Variants in CXCL13 observed in about 807,000 individuals in gnomAD.
CXCL13 encodes C-X-C motif chemokine ligand 13, also known as C-X-C motif chemokine 13.
In CXCL13, 7 loss-of-function variants were observed where a neutral mutation model predicts 12.2. The ratio of observed to expected loss-of-function variants is 0.57; its 90% confidence interval spans 0.33 to 1.07. The LOEUF (loss-of-function observed/expected upper bound fraction) is 1.07, where lower values mean the gene tolerates loss of function less well. Among genes scored for constraint, CXCL13 ranks in the 50% least tolerant of loss-of-function variants. CXCL13 has a pLI of 0.04. For synonymous variants in CXCL13, 47 were observed against 42.4 expected (o/e 1.11, Z -0.42); for missense variants, 113 against 127.4 (o/e 0.89, Z 0.55).
intron 1 of CXCL13, among the ~76,000 whole-genome samples, chr4:77,584,356 A>G (rs1244049966): frequency 6.6e-6 from 1 of 152,214 alleles, no homozygotes; most frequent in Non-Finnish European, 1.5e-5. Flanking sequence ...CCTTGTCTTC[A>G]TTAGACAGTT....
At chr4:77,558,389 G>C (rs959134461) in intron 1 of CXCL13, among the ~76,000 whole-genome samples, 3 of 152,032 alleles carry the variant, frequency 2.0e-5, no homozygotes, top group Non-Finnish European at 4.4e-5. Flanking sequence ...GTCTCCCTGT[G>C]TCACCCAGAT....
At chr4:77,549,575 A>C (rs536596046) in intron 1 of CXCL13, among the ~76,000 whole-genome samples, 40 of 152,060 alleles carry the variant, frequency 2.6e-4, no homozygotes, top group African/African-American at 8.7e-4. Context: ...TGTTAGTTTT[A>C]CTTCTAACAG....
At chr4:77,535,951 T>C (rs1180348510) in intron 1 of CXCL13, among the ~76,000 whole-genome samples, 1 of 152,176 alleles carries the variant, frequency 6.6e-6, no homozygotes, top group South Asian at 2.1e-4. Context: ...AATAAAATTA[T>C]TATTTTATAC....
At chr4:77,529,182 C>A (rs989450675) in intron 1 of CXCL13, among the ~76,000 whole-genome samples, 2 of 152,116 alleles carry the variant, frequency 1.3e-5, no homozygotes, top group Non-Finnish European at 2.9e-5. Flanking sequence ...GTTACTGTAG[C>A]CTTGTAGCAT....
intron 1 of CXCL13, among the ~76,000 whole-genome samples, chr4:77,584,198 A>G (rs868404143): frequency 5.3e-5 from 8 of 152,220 alleles, no homozygotes; most frequent in Non-Finnish European, 7.3e-5. Flanking sequence ...CTCAAAGACT[A>G]TGGTGGCCAC....
upstream of CXCL13, among the ~76,000 whole-genome samples, chr4:77,601,568 G>C (rs1416463054): frequency 6.6e-6 from 1 of 152,212 alleles, no homozygotes; most frequent in East Asian, 1.9e-4. Context: ...GAGAACTCTG[G>C]AGTCATAATC....
At chr4:77,525,421 C>T (rs1156332198) in intron 1 of CXCL13, among the ~76,000 whole-genome samples, 2 of 151,804 alleles carry the variant, frequency 1.3e-5, no homozygotes, top group African/African-American at 4.8e-5. Flanking sequence ...TTTTCCTTTT[C>T]TCCTAAAATC....
intron 1 of CXCL13, among the ~76,000 whole-genome samples, chr4:77,582,305 A>G (rs1476710439): frequency 6.6e-6 from 1 of 152,166 alleles, no homozygotes; most frequent in Non-Finnish European, 1.5e-5. Context: ...ATATTGGATG[A>G]ATATATAATT....
chr4:77,564,015 C>G (rs917961316), intron 1 of CXCL13, among the ~76,000 whole-genome samples: 1 of 152,206 alleles, frequency 6.6e-6, no homozygotes, highest in Non-Finnish European at 1.5e-5. Flanking sequence ...TGGTTTGATA[C>G]TCTGCTGTCA....
chr4:77,518,347 G>A (rs1182933352), intron 1 of CXCL13, among the ~76,000 whole-genome samples: 2 of 152,130 alleles, frequency 1.3e-5, no homozygotes, highest in African/African-American at 4.8e-5. Context: ...GGCCTGCCTT[G>A]CTAGATTGGG....
At chr4:77,552,422 G>A (rs138880567) in intron 1 of CXCL13, among the ~76,000 whole-genome samples, 1 of 152,308 alleles carries the variant, frequency 6.6e-6, no homozygotes, top group Non-Finnish European at 1.5e-5. Context: ...CAAACTACAA[G>A]CCATAGATGG....
chr4:77,516,708 T>C (rs1254658823), intron 1 of CXCL13, among the ~76,000 whole-genome samples: 2 of 152,186 alleles, frequency 1.3e-5, no homozygotes, highest in Admixed American at 6.5e-5. Context: ...TTTTTTTCTT[T>C]ATTAGTCTAG....
chr4:77,589,538 G>T (rs1726557500), intron 1 of CXCL13, among the ~76,000 whole-genome samples: 1 of 136,352 alleles, frequency 7.3e-6, no homozygotes, highest in South Asian at 2.3e-4. Flanking sequence ...TTTATTGTAG[G>T]CAGGTATGTA....
intron 1 of CXCL13, 117 bp downstream of exon 1, chr4:77,606,046 C>T: frequency 1.9e-6 from 1 of 528,958 alleles, no homozygotes; most frequent in Non-Finnish European, 3.3e-6. Flanking sequence ...AAAAACTGCT[C>T]TGTTCCTTCT....
At chr4:77,533,542 C>A (rs1381835456) in intron 1 of CXCL13, among the ~76,000 whole-genome samples, 1 of 152,294 alleles carries the variant, frequency 6.6e-6, no homozygotes, top group East Asian at 1.9e-4. Flanking sequence ...GCTGGGAGAA[C>A]CACTACTGTC....
intron 1 of CXCL13, among the ~76,000 whole-genome samples, chr4:77,554,560 A>G (rs1181585149): frequency 6.6e-6 from 1 of 152,192 alleles, no homozygotes; most frequent in Non-Finnish European, 1.5e-5. Flanking sequence ...AGAATATAGA[A>G]GAATGGAATA....
At chr4:77,541,907 T>C (rs1299926554) in intron 1 of CXCL13, among the ~76,000 whole-genome samples, 1 of 152,162 alleles carries the variant, frequency 6.6e-6, no homozygotes, top group Non-Finnish European at 1.5e-5. Flanking sequence ...GTTTTCTAGT[T>C]CTCCTTGTAG....
At chr4:77,557,658 A>G (rs562228838) in intron 1 of CXCL13, among the ~76,000 whole-genome samples, 1 of 152,276 alleles carries the variant, frequency 6.6e-6, no homozygotes, top group South Asian at 2.1e-4. Flanking sequence ...CCTGTTTTCT[A>G]TTGTGTGCAT....
chr4:77,579,482 A>T (rs563836564), intron 1 of CXCL13, among the ~76,000 whole-genome samples: 1 of 152,298 alleles, frequency 6.6e-6, no homozygotes, highest in East Asian at 1.9e-4. Context: ...ATTATATTCT[A>T]ATTAGAAAGT....
Sources: gnomAD v4.1 joint callset for allele counts (sites outside exome capture counted in the v4.1 genomes callset) on GRCh38, gnomAD v4.1.1 for gene constraint, MANE v1.5 for transcripts, NCBI Gene and HGNC (gene_info 2026-07-23, HGNC 2026-07-21) for gene names.